The following SYT16 variants were observed in gnomAD, a reference collection of about 807,000 sequenced individuals.
The protein encoded by SYT16 is synaptotagmin-16.
SYT16 carries 42 observed loss-of-function variants against 61.4 expected under a neutral mutation model. The observed-to-expected ratio is 0.68, with a 90% confidence interval of 0.53 to 0.89. The LOEUF (loss-of-function observed/expected upper bound fraction) is 0.89, where lower values mean the gene tolerates loss of function less well. Ranked by LOEUF, SYT16 falls within the 40% of genes least tolerant of loss-of-function variation. The pLI, the probability that SYT16 is intolerant of heterozygous loss-of-function variation, is 0.00. For synonymous variants in SYT16, 314 were observed against 302.3 expected, an observed-to-expected ratio of 1.04 and a Z score of -0.40; for missense variants, 804 against 807.3, an observed-to-expected ratio of 1.00 and a Z score of 0.05.
At chr14:61,964,690 G>T (rs1250847554) in intron 1 of SYT16, among the ~76,000 whole-genome samples, 1 of 152,116 alleles carries the variant, frequency 6.6e-6, no homozygotes, top group Non-Finnish European at 1.5e-5. Flanking sequence ...TGGATAAAAT[G>T]CTCTCAAACA....
At chr14:61,892,398 C>T (rs2048169193) in intron 1 of SYT16, among the ~76,000 whole-genome samples, 1 of 152,178 alleles carries the variant, frequency 6.6e-6, no homozygotes, top group Non-Finnish European at 1.5e-5. Context: ...CACTGCTCCC[C>T]TGGCCACCCT....
At chr14:61,978,406 G>C (rs1447395528) in intron 2 of SYT16, among the ~76,000 whole-genome samples, 1 of 152,218 alleles carries the variant, frequency 6.6e-6, no homozygotes, top group Non-Finnish European at 1.5e-5. Context: ...ACAAAAGCTT[G>C]TCAGACACTT....
intron 2 of SYT16, among the ~76,000 whole-genome samples, chr14:61,993,242 A>T (rs912903212): frequency 1.3e-5 from 2 of 151,426 alleles, no homozygotes; most frequent in Non-Finnish European, 2.9e-5. Context: ...GAAGGGGAAC[A>T]TCACACACCG....
intron 3 of SYT16, among the ~76,000 whole-genome samples, chr14:62,001,021 C>T (rs1437042917): frequency 6.6e-6 from 1 of 151,958 alleles, no homozygotes; most frequent in Non-Finnish European, 1.5e-5. Context: ...GTGATTGTGC[C>T]ACTGCACTCC....
chr14:61,817,035 A>AG (rs2045462966), intron 1 of SYT16, among the ~76,000 whole-genome samples: 1 of 148,528 alleles, frequency 6.7e-6, no homozygotes, highest in African/African-American at 2.5e-5. Flanking sequence ...ACACAAAAAA[A>AG]GCATTTTCCC....
At chr14:61,960,160 C>A (rs559449699) in intron 1 of SYT16, among the ~76,000 whole-genome samples, 1 of 152,190 alleles carries the variant, frequency 6.6e-6, no homozygotes, top group South Asian at 2.1e-4. Context: ...TGGTTTTTTG[C>A]TTAGGATTGC....
chr14:61,842,002 T>C (rs2046314747), intron 1 of SYT16, among the ~76,000 whole-genome samples: 1 of 152,208 alleles, frequency 6.6e-6, no homozygotes, highest in Admixed American at 6.5e-5. Flanking sequence ...TCTTCTGTTT[T>C]TATTTTTTTA....
intron 1 of SYT16, among the ~76,000 whole-genome samples, chr14:61,959,599 G>T (rs1280894776): frequency 1.3e-5 from 2 of 152,018 alleles, no homozygotes; most frequent in African/African-American, 4.8e-5. Flanking sequence ...ACAAATTTCT[G>T]TGGTTATAGT....
At chr14:62,043,577 T>G (rs1443337315) in intron 3 of SYT16, among the ~76,000 whole-genome samples, 2 of 151,954 alleles carry the variant, frequency 1.3e-5, no homozygotes, top group Non-Finnish European at 2.9e-5. Flanking sequence ...CCAGCTAATT[T>G]TTTGTGTTTT....
chr14:62,039,560 G>A (rs1245037875), intron 3 of SYT16, among the ~76,000 whole-genome samples: 1 of 152,040 alleles, frequency 6.6e-6, no homozygotes, highest in African/African-American at 2.4e-5. Flanking sequence ...AGCTAGTCAA[G>A]ATAGAAGACA....
chr14:61,994,087 T>G (rs957292938), intron 2 of SYT16, among the ~76,000 whole-genome samples: 1 of 151,922 alleles, frequency 6.6e-6, no homozygotes, highest in African/African-American at 2.4e-5. Flanking sequence ...GGAACTAGGG[T>G]GTGGGGAATG....
chr14:62,045,400 T>C (rs2054929882), intron 3 of SYT16, among the ~76,000 whole-genome samples: 2 of 152,176 alleles, frequency 1.3e-5, no homozygotes, highest in Non-Finnish European at 2.9e-5. Context: ...TTTTTCTAAA[T>C]ACTATTTCTG....
chr14:61,856,148 AC>A (rs2046768006), intron 1 of SYT16, among the ~76,000 whole-genome samples: 1 of 152,202 alleles, frequency 6.6e-6, no homozygotes, highest in Non-Finnish European at 1.5e-5. Flanking sequence ...GCCCCTGGAA[AC>A]TGGCAGGAAG....
chr14:62,000,794 G>A (rs2052983198), intron 3 of SYT16, among the ~76,000 whole-genome samples: 1 of 152,018 alleles, frequency 6.6e-6, no homozygotes, highest in Non-Finnish European at 1.5e-5. Context: ...TTCATGTATA[G>A]TTTGATGATG....
intron 1 of SYT16, among the ~76,000 whole-genome samples, chr14:61,823,275 G>A (rs2045669969): frequency 6.6e-6 from 1 of 152,178 alleles, no homozygotes; most frequent in African/African-American, 2.4e-5. Flanking sequence ...ACAGGTGTGA[G>A]CCACTGCGCC....
chr14:62,008,309 C>T (rs1035659938), intron 3 of SYT16, among the ~76,000 whole-genome samples: 1 of 152,046 alleles, frequency 6.6e-6, no homozygotes, highest in Non-Finnish European at 1.5e-5. Context: ...TCCCTTTGAA[C>T]TCATGTTAAT....
intron 1 of SYT16, among the ~76,000 whole-genome samples, chr14:61,878,542 G>C (rs2047584665): frequency 1.3e-5 from 2 of 152,276 alleles, no homozygotes; most frequent in African/African-American, 2.4e-5. Flanking sequence ...AGCCACACTT[G>C]AAACAACCTC....
chr14:62,075,497 G>A (rs2056456080), intron 5 of SYT16, 106 bp downstream of exon 5: 2 of 1,294,380 alleles, frequency 1.5e-6, no homozygotes, highest in Admixed American at 2.6e-5. Flanking sequence ...CAGAAAGGAA[G>A]CATTACTTTT....
chr14:61,972,322 C>G (rs12433405), intron 2 of SYT16, among the ~76,000 whole-genome samples: 30,731 of 152,094 alleles, frequency 0.2, 4,268 homozygotes, highest in East Asian at 0.63. Context: ...AAAATATTTC[C>G]TTTTTGTCTT....
Sources: allele counts gnomAD v4.1 joint callset (sites outside exome capture counted in the v4.1 genomes callset), GRCh38; gene constraint gnomAD v4.1.1; transcripts MANE v1.5; gene names NCBI Gene and HGNC (gene_info 2026-07-23, HGNC 2026-07-21).